AKAP9: variants seen among roughly 807,000 people sequenced by gnomAD.
The protein encoded by AKAP9 is A-kinase anchor protein 9.
In AKAP9, 311 loss-of-function variants were observed where a neutral mutation model predicts 488.5. The observed-to-expected ratio is 0.64, with a 90% CI of 0.58 to 0.70. The LOEUF is 0.70. Among genes scored for constraint, AKAP9 ranks in the 30% least tolerant of loss-of-function variants. The probability of loss-of-function intolerance (pLI) is 0.00; values close to 1 mark genes in which losing one functional copy is unlikely to be tolerated. For synonymous variants in AKAP9, 1,462 were observed against 1,483.5 expected (o/e 0.99, Z 0.33); for missense variants, 4,215 against 4,374.5 (o/e 0.96, Z 1.03).
At chr7:92,089,112 A>G (rs1815094718) in intron 37 of AKAP9, among the ~76,000 whole-genome samples, 1 of 152,154 alleles carries the variant, frequency 6.6e-6, no homozygotes, top group Non-Finnish European at 1.5e-5. Context: ...ATATCACATA[A>G]TAGTATTGTA....
At chr7:92,010,682 G>A (rs1800620794) in intron 8 of AKAP9, among the ~76,000 whole-genome samples, 1 of 151,970 alleles carries the variant, frequency 6.6e-6, no homozygotes, top group Admixed American at 6.6e-5. Context: ...TTAGAGACAA[G>A]TTTTTACTCT....
rs764164178 is a variant in AKAP9 at position 92,042,167 on chromosome 7, A to G, written c.5039A>G (p.Asn1680Ser). The change falls in exon 19 of 50, where the codon AAC becomes AGC. Residue 1680 changes from asparagine (N) to serine (S), a missense_variant. Coordinates refer to ENST00000356239, the MANE Select transcript of AKAP9 (RefSeq NM_005751.5). The stretch of plus-strand genomic sequence containing the variant: ...GAGAAGCTGTGTTGTGAGCTGCGCA[A>G]CAGCAGTACGCAAACACAGGTAGTA... The part of the protein sequence containing the change: ...GREKLCCELR[N>S]SSTQTQNGNE... The G allele has an allele frequency of 2.3e-5, 37 of 1,613,920 alleles. No individual in the cohort carries two copies. In the South Asian group the frequency reaches 3.8e-4, roughly 17 times the overall value.
chr7:92,034,499 T>TATA (rs11439002), intron 16 of AKAP9, among the ~76,000 whole-genome samples: 76 of 58,148 alleles, frequency 1.3e-3, no homozygotes, highest in East Asian at 7.0e-3. Context: ...TATATATATA[T>TATA]TTTTTTTTTT....
chr7:92,028,817 A>G (rs181964655), intron 14 of AKAP9, among the ~76,000 whole-genome samples: 12 of 152,352 alleles, frequency 7.9e-5, no homozygotes, highest in Middle Eastern at 3.4e-3. Context: ...AGATTTTATT[A>G]TGTAGAAACA....
intron 16 of AKAP9, among the ~76,000 whole-genome samples, chr7:92,036,500 G>C (rs867444588): frequency 1.6e-4 from 24 of 151,910 alleles, no homozygotes; most frequent in Admixed American, 8.5e-4. Flanking sequence ...ATAATTCATT[G>C]ATCATCTTGA....
intron 24 of AKAP9, among the ~76,000 whole-genome samples, chr7:92,062,934 G>A (rs1810137564): frequency 6.6e-6 from 1 of 152,128 alleles, no homozygotes; most frequent in South Asian, 2.1e-4. Context: ...TCAGTGGCTG[G>A]TAGGCTGACA....
chr7:91,953,644 A>G (rs377466980), intron 1 of AKAP9, among the ~76,000 whole-genome samples: 4 of 152,192 alleles, frequency 2.6e-5, no homozygotes, highest in Non-Finnish European at 4.4e-5. Context: ...ATTCTGGAGC[A>G]TAGAGGATTA....
chr7:92,012,197 A>G (rs183545212), intron 8 of AKAP9, among the ~76,000 whole-genome samples: 25 of 152,334 alleles, frequency 1.6e-4, no homozygotes, highest in Admixed American at 1.5e-3. Flanking sequence ...GAGTCATGCT[A>G]GCTATACCAA....
rs6964587 is a variant in AKAP9 at position 92,001,306 on chromosome 7, G to T, written c.1389G>T (p.Met463Ile). ...AACACATGGCACAGATGGAGGAAAT[G>T]AAAACACGGCATAAGGGAGAAATGG... ...IRQHMAQMEE[M>I]KTRHKGEMEN... The change falls in exon 8 of 50, where the codon ATG becomes ATT. Residue 463 changes from methionine to isoleucine, a missense_variant. By Grantham distance (10) the Met-to-Ile change is conservative. Around this residue, in one of 5 missense-constraint regions of AKAP9, gnomAD observed 2,361 missense variants for 2,430.0 expected, o/e 0.97. Transcript: ENST00000356239. 627,889 of 1,613,566 alleles carry T rather than the reference G, an allele frequency of 0.39. 124,558 individuals carry two copies. Among genetic ancestry groups the T allele is most frequent in the African/African-American group, 0.51 (38,310 of 74,918 alleles).
chr7:92,014,487 G>A (rs1383919918), intron 10 of AKAP9, among the ~76,000 whole-genome samples, 159 bp downstream of exon 10: 2 of 152,058 alleles, frequency 1.3e-5, no homozygotes, highest in African/African-American at 2.4e-5. Flanking sequence ...AAATCAGTCC[G>A]GCATTGTGGT....
intron 22 of AKAP9, among the ~76,000 whole-genome samples, chr7:92,056,515 T>C (rs1184008336): frequency 6.6e-6 from 1 of 151,120 alleles, no homozygotes; most frequent in South Asian, 2.1e-4. Context: ...GGGTTTCTTA[T>C]GCAACCCTCC....
Position 92,002,483 on chromosome 7 carries a change from A to T in AKAP9, c.2566A>T (p.Asn856Tyr). 6.2e-7 allele frequency: 1 copy of T among 1,611,452 alleles called. No homozygotes were observed. Among genetic ancestry groups the T allele is most frequent in the Non-Finnish European group, 8.5e-7 (1 of 1,179,218 alleles). Residue 856 changes from asparagine to tyrosine, a missense_variant, in exon 8 of 50, where the codon AAC becomes TAC. This residue lies in a region of AKAP9 where 2,361 missense variants were observed against 2,430.0 expected (regional missense o/e 0.97). Coordinates refer to ENST00000356239, the MANE Select transcript of AKAP9 (RefSeq NM_005751.5). ...QRNTFSFAEK[N>Y]FEVNYQELQE... is the part of the protein sequence containing the mutation. Reference sequence around the variant, plus strand: ...GAACACTTTTTCATTTGCTGAAAAAAACTTTGAAGTTAACTATCAAGAGTT... The same window carrying T: ...GAACACTTTTTCATTTGCTGAAAAATACTTTGAAGTTAACTATCAAGAGTT...
chr7:91,963,164 T>C (rs1249982865), intron 1 of AKAP9, among the ~76,000 whole-genome samples: 1 of 152,164 alleles, frequency 6.6e-6, no homozygotes, highest in East Asian at 1.9e-4. Flanking sequence ...TTCCAGTTGG[T>C]TTATTTTTAA....
chr7:92,070,071 A>G lies in AKAP9; in HGVS notation c.6372A>G (p.Lys2124=), dbSNP rs772504394. The G allele has an allele frequency of 6.8e-6, 11 of 1,613,476 alleles. No homozygotes were observed. The highest frequency in any genetic ancestry group is 9.3e-6 in the Non-Finnish European group (11 of 1,179,880). Residue 2124 remains lysine, a synonymous_variant, in exon 27 of 50, where the codon AAA becomes AAG. Coordinates refer to ENST00000356239, the MANE Select transcript of AKAP9 (RefSeq NM_005751.5). ...LANHLKEKTD[K]CSELLLSKEQ... is the part of the protein sequence containing the mutation. Reference sequence around the variant, plus strand: ...ATCATCTGAAAGAAAAAACAGACAAATGCAGTGAGCTTTTGCTCTCTAAAG... The same window carrying G: ...ATCATCTGAAAGAAAAAACAGACAAGTGCAGTGAGCTTTTGCTCTCTAAAG...
intron 21 of AKAP9, among the ~76,000 whole-genome samples, chr7:92,050,793 C>T (rs1478300845): frequency 6.6e-6 from 1 of 152,152 alleles, no homozygotes; most frequent in Non-Finnish European, 1.5e-5. Context: ...CTTCACAAAT[C>T]CCATTAACAC....
intron 38 of AKAP9, chr7:92,092,712 T>G: frequency 4.6e-6 from 1 of 218,920 alleles, no homozygotes; most frequent in Non-Finnish European, 9.2e-6. Context: ...AGTGGCATGG[T>G]CTCAACTCAT....
At chr7:92,003,268 A>G (rs1166961009) in intron 8 of AKAP9, 33 bp downstream of exon 8, 2 of 1,464,158 alleles carry the variant, frequency 1.4e-6, no homozygotes, top group Non-Finnish European at 1.9e-6. Context: ...GGTAAAGCAC[A>G]ATGAAAAAAA....
At chr7:91,991,124 C>T (rs776569889) in intron 3 of AKAP9, among the ~76,000 whole-genome samples, 1 of 152,164 alleles carries the variant, frequency 6.6e-6, no homozygotes, top group South Asian at 2.1e-4. Flanking sequence ...AACATATCCC[C>T]TGTGGATTAA....
At chr7:92,105,609 G>A in intron 46 of AKAP9, 69 bp from the exon 47 acceptor site, 1 of 1,144,164 alleles carries the variant, frequency 8.7e-7, no homozygotes, top group Non-Finnish European at 1.3e-6. Flanking sequence ...CGTGTGATGT[G>A]ATTTTTGTAG....
Sources: gnomAD v4.1 joint callset for allele counts (sites outside exome capture counted in the v4.1 genomes callset) on GRCh38, gnomAD v4.1.1 for gene constraint, gnomAD v4.1.1 regional missense constraint, MANE v1.5 for transcripts, NCBI Gene and HGNC (gene_info 2026-07-23, HGNC 2026-07-21) for gene names.